The following FRMD1 variants were observed in gnomAD, a reference collection of about 807,000 sequenced individuals.
The protein encoded by FRMD1 is FERM domain-containing protein 1.
In FRMD1, 51 loss-of-function variants were observed where a neutral mutation model predicts 54.9. The observed-to-expected ratio is 0.93, with a 90% CI of 0.74 to 1.17. The LOEUF is 1.17. Ranked by LOEUF, FRMD1 falls within the 50% of genes most tolerant of loss-of-function variation. FRMD1 has a pLI of 0.00. For missense variants in FRMD1, 729 were observed against 743.0 expected, an observed-to-expected ratio of 0.98 and a Z score of 0.22; for synonymous variants, 324 against 306.4, an observed-to-expected ratio of 1.06 and a Z score of -0.60.
intron 1 of FRMD1, chr6:168,075,619 C>A: frequency 1.2e-6 from 1 of 831,268 alleles, no homozygotes; most frequent in South Asian, 1.5e-5. Flanking sequence ...GTGAGGATTT[C>A]CCGAGACCAG....
rs939059650 is a variant in FRMD1, at chr6:168,059,816, A to C, written c.1343-628T>G. Reference sequence around the variant, plus strand: ...GGGCCAGGTGCACACACAGTCCTACACACAGGGAATGGGCAGGGTGCATCC... The same window carrying C: ...GGGCCAGGTGCACACACAGTCCTACCCACAGGGAATGGGCAGGGTGCATCC... On this transcript the variant is annotated intron_variant, in intron 9 of 10. Coordinates refer to ENST00000283309, the MANE Select transcript of FRMD1 (RefSeq NM_024919.6). The surrounding 1 kb of genome is among the most constrained non-coding windows in gnomAD (Gnocchi z 4.4). Among the ~76,000 whole-genome samples, 3 of 152,096 alleles carry C rather than the reference A, an allele frequency of 2.0e-5. No individual in the cohort carries two copies. Among genetic ancestry groups the C allele is most frequent in the African/African-American group, 7.2e-5 (3 of 41,434 alleles).
chr6:168,081,551 G>A, upstream of FRMD1: 1 of 1,498,954 alleles, frequency 6.7e-7, no homozygotes, highest in Non-Finnish European at 8.9e-7. Context: ...TCTATCATGA[G>A]ATAGATAGAG....
At chr6:168,085,879 C>T (rs565041520), upstream of FRMD1, among the ~76,000 whole-genome samples, 12 of 150,828 alleles carry the variant, frequency 8.0e-5, no homozygotes, top group East Asian at 5.8e-4. Flanking sequence ...ATCCAAAGCC[C>T]GTGTGGTCCC....
chr6:168,085,085 G>A (rs1800896197), upstream of FRMD1, among the ~76,000 whole-genome samples: 1 of 152,232 alleles, frequency 6.6e-6, no homozygotes, highest in Admixed American at 6.5e-5. Flanking sequence ...GAGCTCCACA[G>A]TCCCCAGCTT....
rs1376606108 is a variant in FRMD1 at position 168,059,825 on chromosome 6, A to G, written c.1343-637T>C. Reference sequence around the variant, plus strand: ...GCACACACAGTCCTACACACAGGGAATGGGCAGGGTGCATCCCTCAGGACA... The same window carrying G: ...GCACACACAGTCCTACACACAGGGAGTGGGCAGGGTGCATCCCTCAGGACA... On this transcript the variant is annotated intron_variant, in intron 9 of 10. Coordinates refer to ENST00000283309, the MANE Select transcript of FRMD1 (RefSeq NM_024919.6). This position sits in a 1 kb window ranked among gnomAD's most constrained non-coding sequence, Gnocchi z 4.4. Among the ~76,000 whole-genome samples, 2 of 151,892 alleles carry G rather than the reference A, an allele frequency of 1.3e-5. No homozygotes were observed. The highest frequency in any genetic ancestry group is 2.9e-5 in the Non-Finnish European group (2 of 67,938).
rs375532371 is a variant in FRMD1, at chr6:168,061,026, G to A, written c.1077C>T (p.Ser359=). The change falls in exon 9 of 11, where the codon AGC becomes AGT. Residue 359 remains serine (S), a synonymous_variant. Coordinates refer to ENST00000283309, the MANE Select transcript of FRMD1 (RefSeq NM_024919.6). ...EKQHYRESYI[S]DELELDLASR... is the part of the protein sequence containing the mutation. ...TGGCCAGGTCCAGCTCCAGCTCATCGCTGATATAGGACTCCCGGTAGTGCT... is the reference window on the plus strand; with the variant it reads ...TGGCCAGGTCCAGCTCCAGCTCATCACTGATATAGGACTCCCGGTAGTGCT... The A allele has an allele frequency of 3.7e-5, 60 of 1,612,452 alleles. No individual in the cohort carries two copies. Among genetic ancestry groups the A allele is most frequent in the Non-Finnish European group, 4.7e-5 (55 of 1,179,686 alleles).
chr6:168,085,485 C>A (rs1800901746), upstream of FRMD1, among the ~76,000 whole-genome samples: 1 of 152,218 alleles, frequency 6.6e-6, no homozygotes, highest in Non-Finnish European at 1.5e-5. Flanking sequence ...GCCCCTCTTG[C>A]CATTTCTATG....
chr6:168,070,667 C>T (rs1800263301), intron 2 of FRMD1, among the ~76,000 whole-genome samples: 1 of 152,208 alleles, frequency 6.6e-6, no homozygotes, highest in Non-Finnish European at 1.5e-5. Flanking sequence ...CTCTCTTTCT[C>T]CCTCTATGTA....
In FRMD1 at chr6:168,059,225, G is replaced by A; in HGVS notation, c.1343-37C>T. On this transcript the variant is annotated intron_variant, in intron 9 of 10. Transcript: ENST00000283309. This position sits in a 1 kb window ranked among gnomAD's most constrained non-coding sequence, Gnocchi z 4.4. ...GGCAGCCGTGAGCACAGGTGTCTGGGTTCTGCCCGACATGGCTCCTCCCCA... is the reference window on the plus strand; with the variant it reads ...GGCAGCCGTGAGCACAGGTGTCTGGATTCTGCCCGACATGGCTCCTCCCCA... 6.5e-7 allele frequency: 1 copy of A among 1,538,884 alleles called. No individual in the cohort carries two copies. The highest frequency in any genetic ancestry group is 1.2e-5 in the South Asian group (1 of 84,458).
upstream of FRMD1, among the ~76,000 whole-genome samples, chr6:168,083,050 C>T (rs56174348): frequency 0.036 from 5,463 of 152,272 alleles, 103 homozygotes; most frequent in East Asian, 0.067. Flanking sequence ...ACATGTGGAG[C>T]GCCGGAGGTG....
At chr6:168,078,572 TCACAGCCCTGCTCACCCC>T (rs1562430107) in intron 1 of FRMD1, among the ~76,000 whole-genome samples, 66 of 12,540 alleles carry the variant, frequency 5.3e-3, no homozygotes, top group African/African-American at 0.02. Flanking sequence ...CTGCTCACCC[TCACAGCCCTGCTCACCCC>T]CACGGCTCTG....
chr6:168,053,252 GAAGGC>G lies in FRMD1; in HGVS notation c.*3840_*3844del, dbSNP rs1424237108. 6.6e-6 allele frequency: 1 copy of G among 152,212 alleles called. No homozygotes were observed. The highest frequency in any genetic ancestry group is 1.9e-4 in the East Asian group (1 of 5,182). 9.4% of individuals were successfully genotyped at this position (152,212 alleles called of 1,614,324 possible). On this transcript the variant is annotated 3_prime_UTR_variant, in exon 11 of 11. Coordinates refer to ENST00000283309, the MANE Select transcript of FRMD1 (RefSeq NM_024919.6). ...ATTTGTTTTCTAACCTTGGCACCTGGAAGGCAGCCTCCCCATCACAGCTCGCCGCC... is the reference window on the plus strand; with the variant it reads ...ATTTGTTTTCTAACCTTGGCACCTGGAGCCTCCCCATCACAGCTCGCCGCC...
chr6:168,067,963 T>A (rs1343586988), intron 2 of FRMD1, among the ~76,000 whole-genome samples: 2 of 122,526 alleles, frequency 1.6e-5, no homozygotes, highest in Non-Finnish European at 3.5e-5. Flanking sequence ...AAAAAAAAAA[T>A]TAGCTGGGTG....
intron 3 of FRMD1, 145 bp from the exon 4 acceptor site, chr6:168,066,976 G>T: frequency 9.6e-7 from 1 of 1,037,716 alleles, no homozygotes; most frequent in East Asian, 2.6e-5. Flanking sequence ...CTGACAATTC[G>T]ACTCATGGTA....
In FRMD1 at chr6:168,060,910, G is replaced by C. The variant is rs376603772; in HGVS notation, c.1193C>G (p.Thr398Arg). The change falls in exon 9 of 11, where the codon ACG becomes AGG. Residue 398 changes from threonine to arginine, a missense_variant. Physicochemically the swap from Thr to Arg is moderately conservative, Grantham distance 71. Transcript: ENST00000283309. The part of the protein sequence containing the change: ...HSADSHGSSY[T>R]SGIKANSWLR... ...CCAGGAGTTGGCCTTGATGCCTGAC[G>C]TGTAGGAACTGCCGTGGCTGTCGGC... 2 of 1,613,866 alleles carry C rather than the reference G, an allele frequency of 1.2e-6. No homozygotes were observed. Among genetic ancestry groups the C allele is most frequent in the Non-Finnish European group, 1.7e-6 (2 of 1,180,044 alleles).
At chr6:168,067,248 A>T in intron 3 of FRMD1, 119 bp downstream of exon 3, 1 of 635,424 alleles carries the variant, frequency 1.6e-6, no homozygotes, top group Non-Finnish European at 2.8e-6. Flanking sequence ...CAACCCACGC[A>T]TCCCCGCGGT....
chr6:168,055,473 A>C lies in FRMD1; in HGVS notation c.*1624T>G, dbSNP rs545965798. The C allele has an allele frequency of 6.6e-6, 1 of 152,300 alleles. No individual in the cohort carries two copies. The highest frequency in any genetic ancestry group is 2.1e-4 in the South Asian group (1 of 4,820). 9.4% of individuals were successfully genotyped at this position (152,300 alleles called of 1,614,324 possible). On this transcript the variant is annotated 3_prime_UTR_variant, in exon 11 of 11. Transcript: ENST00000283309. ...ACACCACCTGCTGTGTCTCCCCAAC[A>C]CTGGTGTGTACCTTCCCTCATGGTC... is the stretch of plus-strand genomic sequence containing the variant.
At chr6:168,062,522 C>G (rs1205804736) in intron 7 of FRMD1, 1 of 788,996 alleles carries the variant, frequency 1.3e-6, no homozygotes. Flanking sequence ...GCACAAAGCC[C>G]GTGAGGCCAG....
chr6:168,066,280 C>T (rs2114981219), intron 4 of FRMD1: 1 of 877,994 alleles, frequency 1.1e-6, no homozygotes, highest in Non-Finnish European at 1.4e-6. Flanking sequence ...GGGTGGATCA[C>T]CTGAGGTCGG....
Sources: allele counts gnomAD v4.1 joint callset (sites outside exome capture counted in the v4.1 genomes callset), GRCh38; gene constraint gnomAD v4.1.1; non-coding constraint Gnocchi (gnomAD v3.1); transcripts MANE v1.5; gene names NCBI Gene and HGNC (gene_info 2026-07-23, HGNC 2026-07-21).